SLC4A7: variants seen among roughly 807,000 people sequenced by gnomAD.
SLC4A7 encodes solute carrier family 4 member 7.
Under a neutral mutation model 137.6 loss-of-function variants are expected in SLC4A7, and 51 were observed. The ratio of observed to expected loss-of-function variants is 0.37; its 90% CI spans 0.30 to 0.47. The LOEUF is 0.47. Ranked by LOEUF, SLC4A7 falls within the 20% of genes least tolerant of loss-of-function variation. The pLI, the probability that SLC4A7 is intolerant of heterozygous loss-of-function variation, is 1.00. For synonymous variants in SLC4A7, 542 were observed against 518.6 expected, an observed-to-expected ratio of 1.05 and a Z score of -0.61; for missense variants, 1,247 against 1,525.4, an observed-to-expected ratio of 0.82 and a Z score of 3.04.
At chr3:27,441,500 T>A (rs1304299823) in intron 3 of SLC4A7, among the ~76,000 whole-genome samples, 1 of 152,144 alleles carries the variant, frequency 6.6e-6, no homozygotes, top group Non-Finnish European at 1.5e-5. Flanking sequence ...TCCTTTTTCA[T>A]TTACTTATTT....
intron 1 of SLC4A7, among the ~76,000 whole-genome samples, chr3:27,463,956 G>A (rs1168949639): frequency 1.3e-5 from 2 of 151,666 alleles, no homozygotes; most frequent in Non-Finnish European, 2.9e-5. Context: ...AGGCCAAGGC[G>A]GGCTGATTGC....
chr3:27,401,545 A>G (rs1454959982), intron 15 of SLC4A7, among the ~76,000 whole-genome samples: 2 of 152,230 alleles, frequency 1.3e-5, no homozygotes, highest in East Asian at 3.9e-4. Flanking sequence ...AGGAAAGGCA[A>G]GAAGACAGAC....
chr3:27,411,937 G>A (rs2053940480), intron 11 of SLC4A7, among the ~76,000 whole-genome samples, 189 bp from the exon 12 acceptor site: 1 of 151,958 alleles, frequency 6.6e-6, no homozygotes, highest in Non-Finnish European at 1.5e-5. Context: ...GCTAATGTCA[G>A]TTTCTATTAA....
chr3:27,388,844 GTACCCACAT>G, intron 22 of SLC4A7, among the ~76,000 whole-genome samples: 1 of 112,660 alleles, frequency 8.9e-6, no homozygotes, highest in Non-Finnish European at 2.4e-5. Flanking sequence ...GATTACATAA[GTACCCACAT>G]AATACTCTCG....
intron 1 of SLC4A7, among the ~76,000 whole-genome samples, chr3:27,453,020 T>G (rs2058180644): frequency 1.3e-5 from 2 of 152,182 alleles, no homozygotes; most frequent in Non-Finnish European, 2.9e-5. Flanking sequence ...GAACTTTTTC[T>G]TTTCCCCCAA....
chr3:27,377,202 A>G (rs1253562400), intron 25 of SLC4A7, among the ~76,000 whole-genome samples: 1 of 152,116 alleles, frequency 6.6e-6, no homozygotes, highest in Non-Finnish European at 1.5e-5. Context: ...ATCTATTAAT[A>G]TATGAATCTT....
chr3:27,399,932 T>C (rs541094764), intron 16 of SLC4A7, among the ~76,000 whole-genome samples: 3 of 152,352 alleles, frequency 2.0e-5, no homozygotes, highest in Non-Finnish European at 4.4e-5. Context: ...GGCTACTGTA[T>C]TGGACAATAC....
intron 1 of SLC4A7, among the ~76,000 whole-genome samples, chr3:27,465,170 T>G (rs1459447239): frequency 6.7e-6 from 1 of 150,246 alleles, no homozygotes; most frequent in Non-Finnish European, 1.5e-5. Context: ...GTGCCTGTAA[T>G]CCCAGCCACC....
intron 1 of SLC4A7, among the ~76,000 whole-genome samples, chr3:27,483,852 C>G (rs2059826686): frequency 6.6e-6 from 1 of 151,198 alleles, no homozygotes; most frequent in Admixed American, 6.6e-5. Flanking sequence ...CGCCCCGACT[C>G]GGGCCTCCCG....
intron 3 of SLC4A7, among the ~76,000 whole-genome samples, chr3:27,442,998 C>G (rs930183144): frequency 3.3e-5 from 5 of 151,338 alleles, no homozygotes; most frequent in African/African-American, 1.2e-4. Context: ...CAGGCATTAG[C>G]CACCGCGCTG....
Position 27,484,248 on chromosome 3 carries a change from C to CGTGCGCGAGGTGT in SLC4A7, c.-135_-123dup, listed in dbSNP as rs2059847647. ...GCGCGAGGACAAACGTGGGTGCGTC[C>CGTGCGCGAGGTGT]GTGCGCGAGGTGTGCGCGCGTGGGG... is the stretch of plus-strand genomic sequence containing the variant. On this transcript the variant is annotated 5_prime_UTR_variant, in exon 1 of 26. Coordinates refer to ENST00000454389, the MANE Select transcript of SLC4A7 (RefSeq NM_001321103.2). 1.3e-6 allele frequency: 1 copy of CGTGCGCGAGGTGT among 799,614 alleles called. No individual in the cohort carries two copies. The highest frequency in any genetic ancestry group is 1.7e-6 in the Non-Finnish European group (1 of 599,448). The allele number at this position is 799,614 out of a possible 1,614,324, so 49.5% of individuals were successfully genotyped here.
At chr3:27,394,434 A>G (rs2051927658) in intron 20 of SLC4A7, 84 bp downstream of exon 20, 1 of 1,201,944 alleles carries the variant, frequency 8.3e-7, no homozygotes, top group Non-Finnish European at 1.2e-6. Context: ...AGGTATTTTA[A>G]GTATATTTTA....
At chr3:27,413,518 T>C (rs1236976573) in intron 11 of SLC4A7, among the ~76,000 whole-genome samples, 1 of 152,156 alleles carries the variant, frequency 6.6e-6, no homozygotes, top group Admixed American at 6.5e-5. Context: ...CCACTACCAC[T>C]TTAAAGTCCA....
rs1294797049 is a variant in SLC4A7 at position 27,374,421 on chromosome 3, A to G, written c.*2343T>C. On this transcript the variant is annotated 3_prime_UTR_variant, in exon 26 of 26. Coordinates refer to ENST00000454389, the MANE Select transcript of SLC4A7 (RefSeq NM_001321103.2). ...ACTTTATTTAAAAATCAATATATGT[A>G]GTAAATTATATCTGTCACTGTCTCT... 1 of 152,600 alleles carries G rather than the reference A, an allele frequency of 6.6e-6. No individual in the cohort carries two copies. Among genetic ancestry groups the G allele is most frequent in the African/African-American group, 2.4e-5 (1 of 41,470 alleles). 9.5% of individuals were successfully genotyped at this position (152,600 alleles called of 1,614,324 possible). A position where few individuals can be genotyped will look rare whatever the true frequency, so the allele number is the denominator to read the frequency against.
At chr3:27,459,986 T>C (rs945291190) in intron 1 of SLC4A7, among the ~76,000 whole-genome samples, 1,448 of 131,370 alleles carry the variant, frequency 0.011, 7 homozygotes, top group Non-Finnish European at 0.016. Context: ...TATATATATA[T>C]ATATACACAC....
intron 24 of SLC4A7, among the ~76,000 whole-genome samples, chr3:27,382,861 G>A (rs1559619891): frequency 6.6e-6 from 1 of 152,148 alleles, no homozygotes; most frequent in Non-Finnish European, 1.5e-5. Flanking sequence ...CTCATGTACT[G>A]ATTTTAAACT....
intron 13 of SLC4A7, among the ~76,000 whole-genome samples, chr3:27,408,890 T>A (rs1371606849): frequency 6.6e-6 from 1 of 152,218 alleles, no homozygotes; most frequent in Non-Finnish European, 1.5e-5. Flanking sequence ...GTTTCCATAA[T>A]TATGTTCTAT....
At chr3:27,430,826 G>A (rs756863127) in intron 7 of SLC4A7, among the ~76,000 whole-genome samples, 19 of 151,694 alleles carry the variant, frequency 1.3e-4, no homozygotes, top group Non-Finnish European at 1.5e-4. Context: ...AGTGAGACTC[G>A]GTCTAATAAA....
rs1172674110 is a variant in SLC4A7, at chr3:27,431,317, T to G, written c.1131A>C (p.Glu377Asp). ...ALKGEEQKNE[E>D]NVDLTPGILA... ...AGTTGCCTGGAGTTAAGTCAACATT[T>G]TCCTCATTCTTCTGCTCCTCGCCTT... The change falls in exon 7 of 26, where the codon GAA becomes GAC. Residue 377 changes from glutamate to aspartate, a missense_variant. Glu to Asp is a conservative substitution (Grantham distance 45). Transcript: ENST00000454389. 1 of 1,587,346 alleles carries G rather than the reference T, an allele frequency of 6.3e-7. No homozygotes were observed. Among genetic ancestry groups the G allele is most frequent in the African/African-American group, 1.3e-5 (1 of 74,102 alleles).
Sources: allele counts gnomAD v4.1 joint callset (sites outside exome capture counted in the v4.1 genomes callset), GRCh38; gene constraint gnomAD v4.1.1; transcripts MANE v1.5; gene names NCBI Gene and HGNC (gene_info 2026-07-23, HGNC 2026-07-21).